Variants in OGFOD2 observed in about 807,000 individuals in gnomAD.
OGFOD2 encodes the protein 2-oxoglutarate and iron-dependent oxygenase domain-containing protein 2.
Under a neutral mutation model 31.1 loss-of-function variants are expected in OGFOD2, and 34 were observed. The observed-to-expected ratio is 1.09, with a 90% CI of 0.83 to 1.45. The LOEUF (loss-of-function observed/expected upper bound fraction) is 1.45, where lower values mean the gene tolerates loss of function less well. Ranked by LOEUF, OGFOD2 falls within the 40% of genes most tolerant of loss-of-function variation. OGFOD2 has a pLI of 0.00. For synonymous variants in OGFOD2, 240 were observed against 192.3 expected, an observed-to-expected ratio of 1.25 and a Z score of -2.05; for missense variants, 537 against 433.9, an observed-to-expected ratio of 1.24 and a Z score of -2.11.
intron 4 of OGFOD2, 152 bp downstream of exon 4, chr12:122,977,122 A>G: frequency 1.4e-6 from 1 of 713,320 alleles, no homozygotes; most frequent in African/African-American, 1.7e-5. Context: ...ACCTGCCAGG[A>G]GCAGGACATC....
At position 122,979,204 on chromosome 12, in the gene OGFOD2, T is replaced by C. The variant is rs754435935; in HGVS notation, c.911T>C (p.Val304Ala). 5 of 1,612,124 alleles carry C rather than the reference T, an allele frequency of 3.1e-6. No individual in the cohort carries two copies. In the African/African-American group the frequency reaches 5.3e-5, roughly 17 times the overall value. Residue 304 changes from valine (V) to alanine (A), a missense_variant, in exon 7 of 7, where the codon GTC becomes GCC. Coordinates refer to ENST00000228922, the Ensembl canonical transcript of OGFOD2. Reference sequence around the variant, plus strand: ...GGCACTGGTGAGCGTTGGAACCTTGTCGTCTGGCTCCGAGCCTCTGCTGTG... The same window carrying C: ...GGCACTGGTGAGCGTTGGAACCTTGCCGTCTGGCTCCGAGCCTCTGCTGTG...
chr12:122,980,012 T>C, exon 7 of OGFOD2: 1 of 429,430 alleles, frequency 2.3e-6, no homozygotes, highest in Non-Finnish European at 3.9e-6. Context: ...GGGAGTCAAA[T>C]GCGCTGACGT....
exon 7 of OGFOD2, chr12:122,979,589 G>T (rs528460680): frequency 2.1e-4 from 120 of 562,338 alleles, no homozygotes; most frequent in African/African-American, 1.9e-3. Flanking sequence ...GGGCAAGGAA[G>T]TGGCTTCAGA....
At chr12:122,978,188 CAGG>C (rs1409731245) in intron 4 of OGFOD2, 1 of 409,760 alleles carries the variant, frequency 2.4e-6, no homozygotes, top group African/African-American at 2.0e-5. Context: ...CTCTGGGCCT[CAGG>C]ACCCATATGT....
chr12:122,978,439 C>T lies in OGFOD2; in HGVS notation c.404-3C>T. 1.2e-6 allele frequency: 2 copies of T among 1,613,088 alleles called. No individual in the cohort carries two copies. The highest frequency in any genetic ancestry group is 1.7e-6 in the Non-Finnish European group (2 of 1,179,676). ...GGCCAACAGACCATCCCTCCTTCCACAGAGGAGAAGCGCATCTACCGGGTG... is the reference window on the plus strand; with the variant it reads ...GGCCAACAGACCATCCCTCCTTCCATAGAGGAGAAGCGCATCTACCGGGTG... On this transcript the variant is annotated splice_region_variant and splice_polypyrimidine_tract_variant and intron_variant, in intron 4 of 6. Coordinates refer to ENST00000228922, the Ensembl canonical transcript of OGFOD2.
At position 122,978,395 on chromosome 12, in the gene OGFOD2, C is replaced by T. The variant is rs368455031; in HGVS notation, c.404-47C>T. 355 of 1,604,386 alleles carry T rather than the reference C, an allele frequency of 2.2e-4. 6 individuals carry two copies. The South Asian group carries it at 3.2e-3, about 14-fold the overall frequency. On this transcript the variant is annotated intron_variant, in intron 4 of 6. Transcript: ENST00000228922. Reference sequence around the variant, plus strand: ...AGGAAGACTGAAGCCCAGGCCTGGCCGGCCCACGGCCACATTCAGGCCAAC... The same window carrying T: ...AGGAAGACTGAAGCCCAGGCCTGGCTGGCCCACGGCCACATTCAGGCCAAC...
intron 1 of OGFOD2, 125 bp downstream of exon 1, chr12:122,975,508 G>C (rs946156916): frequency 1.2e-5 from 7 of 592,780 alleles, no homozygotes; most frequent in African/African-American, 1.1e-4. Context: ...CAAGAATGAC[G>C]GCCTCTCTCT....
chr12:122,978,747 T>G lies in OGFOD2; in HGVS notation c.532-6T>G, dbSNP rs781237990. On this transcript the variant is annotated splice_region_variant and splice_polypyrimidine_tract_variant and intron_variant, in intron 5 of 6. Transcript: ENST00000228922. ...TTCCTTGCTGACCCCAGGAATCCCC[T>G]CCCAGGTGCTGCTGCACGAGCTCGG... is the stretch of plus-strand genomic sequence containing the variant. The G allele has an allele frequency of 1.2e-6, 2 of 1,605,934 alleles. No homozygotes were observed. The highest frequency in any genetic ancestry group is 2.7e-5 in the African/African-American group (2 of 74,772).
In OGFOD2 at chr12:122,978,339, G is replaced by T; in HGVS notation, c.404-103G>T. The T allele has an allele frequency of 2.1e-6, 3 of 1,433,906 alleles. No homozygotes were observed. The South Asian group carries it at 3.8e-5, about 18-fold the overall frequency. The allele number at this position is 1,433,906 out of a possible 1,614,324, so 88.8% of individuals were successfully genotyped here. On this transcript the variant is annotated intron_variant, in intron 4 of 6. Transcript: ENST00000228922. Reference sequence around the variant, plus strand: ...CATCACAATAGCCCTGAAAAGCAAAGGCCTCATCTCCATGGCACAGGTGAT... The same window carrying T: ...CATCACAATAGCCCTGAAAAGCAAATGCCTCATCTCCATGGCACAGGTGAT...
intron 2 of OGFOD2, 80 bp from the exon 3 acceptor site, chr12:122,976,574 T>C (rs776736226): frequency 3.8e-6 from 5 of 1,312,114 alleles, no homozygotes; most frequent in Non-Finnish European, 3.3e-6. Flanking sequence ...TCTGGCGTTC[T>C]GGGCTTCAGT....
exon 6 of OGFOD2, chr12:122,978,804 G>A: frequency 1.2e-6 from 2 of 1,612,356 alleles, no homozygotes; most frequent in African/African-American, 1.3e-5. Context: ...ACCACTGCGG[G>A]AGCGCTTCCT....
exon 7 of OGFOD2, chr12:122,979,476 C>T: frequency 8.4e-7 from 1 of 1,187,396 alleles, no homozygotes; most frequent in Non-Finnish European, 1.1e-6. Context: ...CTGGGTCATT[C>T]TATGGGCAAA....
At chr12:122,975,267 G>T (rs920742500) in exon 1 of OGFOD2, 2 of 684,522 alleles carry the variant, frequency 2.9e-6, no homozygotes, top group Non-Finnish European at 5.4e-6. Context: ...GACGGTGGGG[G>T]CTCCGCGGCA....
chr12:122,979,102 AGCCCCTGGAGGTGGAGCACGTGGTGG>A lies in OGFOD2; in HGVS notation c.813_838del (p.Leu272GlyfsTer19), dbSNP rs773670582. The A allele has an allele frequency of 6.3e-7, 1 of 1,599,910 alleles. No homozygotes were observed. Among genetic ancestry groups the A allele is most frequent in the African/African-American group, 1.3e-5 (1 of 74,840 alleles). ...CTGCAGGCACCCACAGCCCTGACGG[AGCCCCTGGAGGTGGAGCACGTGGTGG>A]GCCAGGGTGTCCTCCACCGTGGCGG... On this transcript the variant is annotated frameshift_variant, in exon 7 of 7. Transcript: ENST00000228922. LOFTEE classifies it high-confidence loss of function.
exon 7 of OGFOD2, chr12:122,979,305 C>G: frequency 6.2e-7 from 1 of 1,612,368 alleles, no homozygotes; most frequent in African/African-American, 1.3e-5. Flanking sequence ...TGGCTTCACC[C>G]GAGAGGAGCC....
chr12:122,978,289 T>C (rs765459822), intron 4 of OGFOD2, 153 bp from the exon 5 acceptor site: 6 of 915,198 alleles, frequency 6.6e-6, no homozygotes, highest in Non-Finnish European at 9.8e-6. Context: ...CGGCCTCCCC[T>C]GCTCCTCATG....
At chr12:122,977,203 C>A in intron 4 of OGFOD2, 1 of 562,002 alleles carries the variant, frequency 1.8e-6, no homozygotes, top group Non-Finnish European at 3.3e-6. Context: ...CCTTCGTGCC[C>A]TCATCCAGCA....
exon 6 of OGFOD2, chr12:122,978,923 C>T (rs2037523752): frequency 6.2e-7 from 1 of 1,613,290 alleles, no homozygotes; most frequent in East Asian, 2.2e-5. Context: ...AGCTGGGCTG[C>T]CACTATGATA....
chr12:122,978,833 G>A, exon 6 of OGFOD2: 2 of 1,612,862 alleles, frequency 1.2e-6, no homozygotes, highest in African/African-American at 2.7e-5. Context: ...TGATGGCCCT[G>A]CTGTACCCTG....
Sources: gnomAD v4.1 joint callset for allele counts on GRCh38, gnomAD v4.1.1 for gene constraint, MANE v1.5 for transcripts, NCBI Gene and HGNC (gene_info 2026-07-23, HGNC 2026-07-21) for gene names.